Variants in AFF2 observed in about 807,000 individuals in gnomAD.
AFF2 encodes the protein ALF transcription elongation factor 2.
AFF2 carries 14 observed loss-of-function variants against 76.9 expected under a neutral mutation model. The observed-to-expected ratio is 0.18, with a 90% CI of 0.12 to 0.28. The LOEUF is 0.28. AFF2 is among the 10% of genes least tolerant of loss of function. The pLI, the probability that AFF2 is intolerant of heterozygous loss-of-function variation, is 1.00. For synonymous variants in AFF2, 398 were observed against 366.7 expected (o/e 1.09, Z -0.98); for missense variants, 868 against 1,001.1 (o/e 0.87, Z 1.79).
chrX:148,809,218 G>A (rs1045467778), intron 3 of AFF2, among the ~76,000 whole-genome samples: 1 of 111,890 alleles, frequency 8.9e-6, no homozygotes, highest in African/African-American at 3.3e-5. Flanking sequence ...TTGTTATCTC[G>A]CTTCTTGCTT....
At chrX:148,880,124 G>A (rs1180583666) in intron 7 of AFF2, among the ~76,000 whole-genome samples, 2 of 112,091 alleles carry the variant, frequency 1.8e-5, no homozygotes, top group East Asian at 5.6e-4. Context: ...CAAACTGGTT[G>A]TCACTGCCAC....
intron 1 of AFF2, among the ~76,000 whole-genome samples, chrX:148,609,109 CA>C (rs1408298211): frequency 9.0e-6 from 1 of 111,111 alleles, no homozygotes; most frequent in Non-Finnish European, 1.9e-5. Flanking sequence ...CTTCAGTGAC[CA>C]AAATCCAGAG....
intron 1 of AFF2, among the ~76,000 whole-genome samples, chrX:148,502,576 T>G (rs1484054691): frequency 8.9e-6 from 1 of 112,813 alleles, no homozygotes; most frequent in African/African-American, 3.2e-5. Context: ...ATTGTTACAT[T>G]AAAAAATGCT....
At chrX:148,960,582 C>T (rs1028395612) in intron 12 of AFF2, among the ~76,000 whole-genome samples, 1 of 112,549 alleles carries the variant, frequency 8.9e-6, no homozygotes, top group African/African-American at 3.2e-5. Context: ...AATGACTGAC[C>T]TCTTAGGGGT....
intron 3 of AFF2, among the ~76,000 whole-genome samples, chrX:148,703,892 C>A (rs1212478252): frequency 9.2e-6 from 1 of 108,894 alleles, no homozygotes; most frequent in African/African-American, 3.3e-5. Flanking sequence ...AATAGAACTC[C>A]ATCTTCTTTT....
intron 7 of AFF2, among the ~76,000 whole-genome samples, chrX:148,870,851 C>A (rs2070964768): frequency 8.9e-6 from 1 of 111,810 alleles, no homozygotes; most frequent in Non-Finnish European, 1.9e-5. Context: ...ATGGACCTAG[C>A]CTGCAGTTAG....
At chrX:148,806,092 C>T (rs931023471) in intron 3 of AFF2, among the ~76,000 whole-genome samples, 9 of 112,820 alleles carry the variant, frequency 8.0e-5, no homozygotes, top group African/African-American at 9.7e-5. Context: ...GGCAACTCAA[C>T]GGGCAGCAGT....
intron 1 of AFF2, among the ~76,000 whole-genome samples, chrX:148,547,759 C>T (rs1467547781): frequency 1.8e-5 from 2 of 111,944 alleles, no homozygotes; most frequent in Non-Finnish European, 3.8e-5. Context: ...CCAAAGGCCC[C>T]TGTACAATTC....
At chrX:148,586,347 C>T (rs782231881) in intron 1 of AFF2, among the ~76,000 whole-genome samples, 3 of 112,125 alleles carry the variant, frequency 2.7e-5, no homozygotes, top group Non-Finnish European at 3.8e-5. Flanking sequence ...ATCTCAGCTG[C>T]GCCATGATGG....
At chrX:148,988,699 C>T (rs1254224183) in intron 20 of AFF2, among the ~76,000 whole-genome samples, 2 of 111,986 alleles carry the variant, frequency 1.8e-5, no homozygotes, top group Non-Finnish European at 3.8e-5. Flanking sequence ...TTTTGTGGCT[C>T]ACAAAGCACA....
At chrX:148,502,616 T>G (rs995226474) in intron 1 of AFF2, among the ~76,000 whole-genome samples, 3 of 112,669 alleles carry the variant, frequency 2.7e-5, no homozygotes, top group Non-Finnish European at 5.6e-5. Context: ...TACTATAAAA[T>G]TATTGCTCAA....
In AFF2 at chrX:148,688,775, T is replaced by G. The variant is rs1253574421; in HGVS notation, c.1041+26007T>G. 6.0e-4 allele frequency among the ~76,000 whole-genome samples: 67 copies of G among 111,770 alleles called. 4 individuals are homozygous for G. Among genetic ancestry groups the G allele is most frequent in the Non-Finnish European group, 1.9e-5 (1 of 53,141 alleles). ...CACACCTAGGTTGTATGGCATCCTA[T>G]TGCTCCTAGTCTACAAACCTGTATG... On this transcript the variant is annotated intron_variant, in intron 3 of 20. Transcript: ENST00000370460.
At chrX:148,831,664 T>A (rs1290731579) in intron 4 of AFF2, among the ~76,000 whole-genome samples, 1 of 111,942 alleles carries the variant, frequency 8.9e-6, no homozygotes, top group Non-Finnish European at 1.9e-5. Flanking sequence ...GGTTAGCAAT[T>A]GATAGCAGAT....
chrX:148,862,983 A>G (rs2070866952), intron 7 of AFF2, among the ~76,000 whole-genome samples: 1 of 111,480 alleles, frequency 9.0e-6, no homozygotes, highest in Non-Finnish European at 1.9e-5. Context: ...CACCAATTAC[A>G]TATTTTTTTA....
At chrX:148,796,690 A>G (rs2069987481) in intron 3 of AFF2, among the ~76,000 whole-genome samples, 1 of 112,482 alleles carries the variant, frequency 8.9e-6, no homozygotes, top group South Asian at 3.7e-4. Context: ...AAAGGTCGCA[A>G]GAACGCTTGA....
At chrX:148,859,550 A>G (rs1603317085) in intron 7 of AFF2, among the ~76,000 whole-genome samples, 1 of 110,682 alleles carries the variant, frequency 9.0e-6, no homozygotes, top group African/African-American at 3.3e-5. Flanking sequence ...TTGTATTGAA[A>G]AAGATGCCAT....
chrX:148,610,501 G>A (rs1276240068), intron 1 of AFF2, among the ~76,000 whole-genome samples: 2 of 112,173 alleles, frequency 1.8e-5, no homozygotes, highest in African/African-American at 6.5e-5. Flanking sequence ...GAGGGCAGAG[G>A]AAATTGTACT....
chrX:148,953,459 G>A, intron 9 of AFF2, 121 bp from the exon 10 acceptor site: 1 of 768,926 alleles, frequency 1.3e-6, no homozygotes, highest in Non-Finnish European at 1.9e-6. Context: ...TCTATAAAAT[G>A]GGAACGGTAA....
chrX:148,800,316 G>T (rs782673838), intron 3 of AFF2, among the ~76,000 whole-genome samples: 4 of 111,712 alleles, frequency 3.6e-5, no homozygotes, highest in African/African-American at 1.3e-4. Context: ...TTAGAGGTTA[G>T]TACAAAAGTA....
Sources: gnomAD v4.1 joint callset for allele counts (sites outside exome capture counted in the v4.1 genomes callset) on GRCh38, gnomAD v4.1.1 for gene constraint, MANE v1.5 for transcripts, NCBI Gene and HGNC (gene_info 2026-07-23, HGNC 2026-07-21) for gene names.